ISM1: variants seen among roughly 807,000 people sequenced by gnomAD.
ISM1 encodes isthmin-1.
A neutral mutation model predicts 46.3 loss-of-function variants in ISM1; 25 were observed. The observed-to-expected ratio is 0.54, with a 90% CI of 0.39 to 0.75. The LOEUF is 0.75. Among genes scored for constraint, ISM1 ranks in the 30% least tolerant of loss-of-function variants. The pLI is 0.00. For missense variants in ISM1, 536 were observed against 625.4 expected (o/e 0.86, Z 1.52); for synonymous variants, 255 against 256.7 (o/e 0.99, Z 0.06).
chr20:13,238,332 A>T (rs1174493847), intron 1 of ISM1, among the ~76,000 whole-genome samples: 1 of 152,174 alleles, frequency 6.6e-6, no homozygotes, highest in East Asian at 1.9e-4. Context: ...GTCATTAATG[A>T]GAGGCAATCT....
At chr20:13,307,742 T>C in the ISM1 span, among the ~76,000 whole-genome samples, 2 of 152,358 alleles carry the variant, frequency 1.3e-5, no homozygotes, top group African/African-American at 4.8e-5. Flanking sequence ...TGTGAAATTC[T>C]TCCATATCGC....
intron 1 of ISM1, among the ~76,000 whole-genome samples, chr20:13,259,008 C>T (rs916316540): frequency 6.6e-6 from 1 of 152,112 alleles, no homozygotes; most frequent in African/African-American, 2.4e-5. Flanking sequence ...CTGGGCCGGG[C>T]GCAATGGCTC....
At chr20:13,302,463 G>A (rs1007259322), downstream of ISM1, among the ~76,000 whole-genome samples, 1 of 152,194 alleles carries the variant, frequency 6.6e-6, no homozygotes, top group Non-Finnish European at 1.5e-5. Flanking sequence ...TGCCTAGGTT[G>A]TCTAATAAGA....
chr20:13,252,643 T>A (rs1382846278), intron 1 of ISM1, among the ~76,000 whole-genome samples: 1 of 152,042 alleles, frequency 6.6e-6, no homozygotes, highest in African/African-American at 2.4e-5. Flanking sequence ...TAGTCCCAGA[T>A]ACTCAGGAGG....
chr20:13,306,875 A>G, the ISM1 span, among the ~76,000 whole-genome samples: 1 of 152,316 alleles, frequency 6.6e-6, no homozygotes, highest in African/African-American at 2.4e-5. Flanking sequence ...TGGTGGCTAC[A>G]GAGGACAGAA....
chr20:13,226,363 T>A (rs1211476349), intron 1 of ISM1, among the ~76,000 whole-genome samples: 2 of 152,214 alleles, frequency 1.3e-5, no homozygotes, highest in Non-Finnish European at 2.9e-5. Context: ...GTGTTTCTTA[T>A]TTTGTGACTT....
At chr20:13,282,796 A>G (rs1409247775) in intron 3 of ISM1, among the ~76,000 whole-genome samples, 1 of 152,176 alleles carries the variant, frequency 6.6e-6, no homozygotes, top group Non-Finnish European at 1.5e-5. Context: ...GTTAAAATGC[A>G]CCTTCGATGC....
chr20:13,233,461 G>A (rs1223090526), intron 1 of ISM1, among the ~76,000 whole-genome samples: 3 of 151,976 alleles, frequency 2.0e-5, no homozygotes, highest in Non-Finnish European at 4.4e-5. Context: ...CGGGCGTGGT[G>A]GTGCATTCCT....
At chr20:13,250,392 G>A (rs193280953) in intron 1 of ISM1, among the ~76,000 whole-genome samples, 4 of 152,306 alleles carry the variant, frequency 2.6e-5, no homozygotes, top group African/African-American at 4.8e-5. Flanking sequence ...TACTGAAGAC[G>A]TGAGAATGAA....
intron 1 of ISM1, among the ~76,000 whole-genome samples, chr20:13,261,683 G>A (rs995306486): frequency 6.6e-6 from 1 of 152,138 alleles, no homozygotes; most frequent in Admixed American, 6.5e-5. Flanking sequence ...AACGTCCAAT[G>A]ACCTTTGAAA....
chr20:13,295,719 A>C (rs187471774), intron 5 of ISM1, among the ~76,000 whole-genome samples: 1 of 152,334 alleles, frequency 6.6e-6, no homozygotes, highest in East Asian at 1.9e-4. Context: ...AGAAGAAAGG[A>C]AGGCAGGCTC....
chr20:13,229,168 G>A (rs905016299), intron 1 of ISM1, among the ~76,000 whole-genome samples: 1 of 142,910 alleles, frequency 7.0e-6, no homozygotes, highest in African/African-American at 2.6e-5. Context: ...ATTTTTTAAA[G>A]TTTTTTAAAA....
chr20:13,287,088 CTTT>C (rs34768410), intron 3 of ISM1, among the ~76,000 whole-genome samples: 1 of 152,016 alleles, frequency 6.6e-6, no homozygotes, highest in East Asian at 1.9e-4. Flanking sequence ...CAAGACTTTA[CTTT>C]TGATAAGAGG....
At chr20:13,292,160 CT>C (rs1161012955) in intron 4 of ISM1, among the ~76,000 whole-genome samples, 2 of 152,230 alleles carry the variant, frequency 1.3e-5, no homozygotes, top group Non-Finnish European at 2.9e-5. Flanking sequence ...ACATTTGGAT[CT>C]GATTTCACGT....
the ISM1 span, among the ~76,000 whole-genome samples, chr20:13,323,661 T>G: frequency 0.13 from 20,490 of 152,248 alleles, 1,674 homozygotes; most frequent in Non-Finnish European, 0.18. Flanking sequence ...ATTTATTCCT[T>G]TAGACCTGAT....
chr20:13,272,136 A>T (rs7271161), intron 2 of ISM1, among the ~76,000 whole-genome samples: 21,540 of 151,968 alleles, frequency 0.14, 1,580 homozygotes, highest in East Asian at 0.21. Flanking sequence ...CCTTTTCTGT[A>T]CTTTTTCCTC....
At chr20:13,307,444 A>G in the ISM1 span, among the ~76,000 whole-genome samples, 1 of 152,228 alleles carries the variant, frequency 6.6e-6, no homozygotes, top group African/African-American at 2.4e-5. Context: ...CTCTGGGGCT[A>G]CAGAAATGTT....
intron 5 of ISM1, among the ~76,000 whole-genome samples, chr20:13,293,698 G>A (rs1279603269): frequency 6.6e-6 from 1 of 152,188 alleles, no homozygotes; most frequent in Non-Finnish European, 1.5e-5. Flanking sequence ...AATGGTCTGG[G>A]CACAGTGACT....
At chr20:13,282,436 GCCT>G (rs2040248001) in intron 3 of ISM1, among the ~76,000 whole-genome samples, 1 of 152,170 alleles carries the variant, frequency 6.6e-6, no homozygotes, top group Non-Finnish European at 1.5e-5. Context: ...TTCATCTAAA[GCCT>G]TTACAGAGTA....
Sources: allele counts gnomAD v4.1 joint callset (sites outside exome capture counted in the v4.1 genomes callset), GRCh38; gene constraint gnomAD v4.1.1; transcripts MANE v1.5; gene names NCBI Gene and HGNC (gene_info 2026-07-23, HGNC 2026-07-21).